The following RAB4A variants were observed in gnomAD, a reference collection of about 807,000 sequenced individuals.
RAB4A encodes the protein ras-related protein Rab-4A.
In RAB4A, 20 loss-of-function variants were observed where a neutral mutation model predicts 34.5. The ratio of observed to expected loss-of-function variants is 0.58; its 90% CI spans 0.41 to 0.84. The LOEUF (loss-of-function observed/expected upper bound fraction) is 0.84, where lower values mean the gene tolerates loss of function less well. Among genes scored for constraint, RAB4A ranks in the 40% least tolerant of loss-of-function variants. The probability of loss-of-function intolerance (pLI) is 0.00; values close to 1 mark genes in which losing one functional copy is unlikely to be tolerated. For synonymous variants in RAB4A, 102 were observed against 100.0 expected (o/e 1.02, Z -0.12); for missense variants, 228 against 274.5 (o/e 0.83, Z 1.20).
intron 3 of RAB4A, among the ~76,000 whole-genome samples, chr1:229,295,240 A>G (rs1224256726): frequency 6.6e-6 from 1 of 152,106 alleles, no homozygotes; most frequent in Non-Finnish European, 1.5e-5. Context: ...GTGTCCGGCC[A>G]CTAATGGGAA....
At chr1:229,274,014 A>G (rs1051421452) in intron 1 of RAB4A, among the ~76,000 whole-genome samples, 1 of 149,516 alleles carries the variant, frequency 6.7e-6, no homozygotes, top group Non-Finnish European at 1.5e-5. Flanking sequence ...CTTGACAGAG[A>G]GATGAGGAAT....
Position 229,302,949 on chromosome 1 carries a change from C to T in RAB4A, c.629C>T (p.Ala210Val), listed in dbSNP as rs747437276. 20 of 1,613,736 alleles carry T rather than the reference C, an allele frequency of 1.2e-5. No homozygotes were observed. The East Asian group carries it at 4.0e-4, about 32-fold the overall frequency. Residue 210 changes from alanine to valine, a missense_variant, in exon 7 of 8, where the codon GCC becomes GTC. Physicochemically the swap from Ala to Val is moderately conservative, Grantham distance 64. Transcript: ENST00000366690. ...RQLRSPRRAQ[A>V]PNAQECGC Reference sequence around the variant, plus strand: ...CTGAGGTCACCGCGGCGCGCACAGGCCCCGAACGCTCAGGAGTGTGGTTGT... The same window carrying T: ...CTGAGGTCACCGCGGCGCGCACAGGTCCCGAACGCTCAGGAGTGTGGTTGT...
At chr1:229,293,517 G>A (rs1657149571) in intron 3 of RAB4A, among the ~76,000 whole-genome samples, 2 of 152,210 alleles carry the variant, frequency 1.3e-5, no homozygotes, top group Admixed American at 6.5e-5. Context: ...CCAGGAACCT[G>A]GGACGAAGAC....
chr1:229,301,659 GA>G (rs1160250808), intron 6 of RAB4A, among the ~76,000 whole-genome samples: 1 of 151,760 alleles, frequency 6.6e-6, no homozygotes, highest in Non-Finnish European at 1.5e-5. Flanking sequence ...ACCTCTAGGT[GA>G]AAAAAATATA....
intron 1 of RAB4A, among the ~76,000 whole-genome samples, chr1:229,277,109 A>G (rs1192663045): frequency 6.7e-6 from 1 of 149,170 alleles, no homozygotes; most frequent in African/African-American, 2.5e-5. Flanking sequence ...ATATCAGTGG[A>G]AAGTAACAAA....
intron 1 of RAB4A, among the ~76,000 whole-genome samples, chr1:229,281,026 CT>C: frequency 6.6e-6 from 1 of 152,196 alleles, no homozygotes; most frequent in African/African-American, 2.4e-5. Flanking sequence ...AACAATTTAC[CT>C]GTTAAAGAAC....
intron 1 of RAB4A, among the ~76,000 whole-genome samples, chr1:229,280,470 T>C (rs182737989): frequency 6.6e-6 from 1 of 152,380 alleles, no homozygotes. Context: ...TGTGGTATTG[T>C]TTCCTTCTTG....
Position 229,271,357 on chromosome 1 carries a change from G to T in RAB4A, c.18G>T (p.Met6Ile). MSQTA[M>I]SETYDFLFKF... Reference sequence around the variant, plus strand: ...CTCCCAAGATGTCGCAGACGGCCATGTCCGAAACCTACGGTACGAGGCCCG... The same window carrying T: ...CTCCCAAGATGTCGCAGACGGCCATTTCCGAAACCTACGGTACGAGGCCCG... Residue 6 changes from methionine (M) to isoleucine (I), a missense_variant, in exon 1 of 8, where the codon ATG (methionine) becomes ATT (isoleucine). Transcript: ENST00000366690. The T allele has an allele frequency of 7.8e-7, 1 of 1,282,212 alleles. No individual in the cohort carries two copies. The highest frequency in any genetic ancestry group is 2.5e-5 in the South Asian group (1 of 40,332). 79.4% of individuals were successfully genotyped at this position (1,282,212 alleles called of 1,614,324 possible).
chr1:229,293,733 C>G (rs1447875653), intron 3 of RAB4A, among the ~76,000 whole-genome samples: 1 of 152,024 alleles, frequency 6.6e-6, no homozygotes. Flanking sequence ...ACCCAGGAGA[C>G]AGCACGCTGA....
At chr1:229,287,169 A>G (rs1213400192) in intron 2 of RAB4A, among the ~76,000 whole-genome samples, 1 of 152,212 alleles carries the variant, frequency 6.6e-6, no homozygotes, top group African/African-American at 2.4e-5. Flanking sequence ...AGACCTGTCT[A>G]GTTAGTGGCA....
intron 1 of RAB4A, among the ~76,000 whole-genome samples, chr1:229,278,723 T>C (rs138171642): frequency 4.8e-4 from 73 of 152,318 alleles, no homozygotes; most frequent in Non-Finnish European, 8.7e-4. Flanking sequence ...ACCACCTCTG[T>C]CTCTCCTTTC....
intron 1 of RAB4A, among the ~76,000 whole-genome samples, chr1:229,279,167 T>C (rs1438225907): frequency 6.6e-6 from 1 of 152,232 alleles, no homozygotes; most frequent in Non-Finnish European, 1.5e-5. Context: ...CACTTAGCCT[T>C]TTCTGCCAGG....
At chr1:229,294,753 C>T (rs1315503258) in intron 3 of RAB4A, among the ~76,000 whole-genome samples, 1 of 152,146 alleles carries the variant, frequency 6.6e-6, no homozygotes, top group African/African-American at 2.4e-5. Context: ...TTGCTTGAAC[C>T]TGGGAGGCAG....
intron 3 of RAB4A, among the ~76,000 whole-genome samples, chr1:229,291,642 A>G (rs964765545): frequency 2.0e-5 from 3 of 152,198 alleles, no homozygotes; most frequent in African/African-American, 4.8e-5. Flanking sequence ...AGTGTCTAGC[A>G]CACAGGGGCG....
intron 6 of RAB4A, among the ~76,000 whole-genome samples, chr1:229,302,280 TATATATATATATATATATATATATATA>T: frequency 5.0e-5 from 1 of 19,822 alleles, no homozygotes; most frequent in African/African-American, 2.2e-4. Context: ...TATATATATA[TATATATATATATATATATATATATATA>T]TATTTTTTTT....
At chr1:229,289,996 A>G (rs966124587) in intron 3 of RAB4A, among the ~76,000 whole-genome samples, 5 of 152,172 alleles carry the variant, frequency 3.3e-5, no homozygotes, top group East Asian at 1.9e-4. Context: ...AAGTAACTCA[A>G]AAAGGCCAAG....
chr1:229,294,955 T>C lies in RAB4A; in HGVS notation c.228-893T>C, dbSNP rs565838710. Among the ~76,000 whole-genome samples the C allele has an allele frequency of 6.6e-5, 10 of 150,830 alleles. No homozygotes were observed. In the South Asian group the frequency reaches 2.1e-3, roughly 32 times the overall value. ...AGCCAATTTATTTTTATTTTGCTAA[T>C]AGGAAAAATCCTGAACTCCTGGCTT... On this transcript the variant is annotated intron_variant, in intron 3 of 7. Coordinates refer to ENST00000366690, the MANE Select transcript of RAB4A (RefSeq NM_004578.4).
chr1:229,281,806 C>T (rs1656783901), intron 1 of RAB4A, among the ~76,000 whole-genome samples: 1 of 103,382 alleles, frequency 9.7e-6, no homozygotes, highest in Non-Finnish European at 1.9e-5. Flanking sequence ...ATATACATAA[C>T]TTATCATAGT....
intron 1 of RAB4A, 56 bp downstream of exon 1, chr1:229,271,426 C>A (rs1394269621): frequency 1.7e-6 from 2 of 1,185,174 alleles, no homozygotes; most frequent in Non-Finnish European, 2.1e-6. Flanking sequence ...GCGTCGGTGG[C>A]GCGGGGCCGG....
Sources: allele counts gnomAD v4.1 joint callset (sites outside exome capture counted in the v4.1 genomes callset), GRCh38; gene constraint gnomAD v4.1.1; transcripts MANE v1.5; gene names NCBI Gene and HGNC (gene_info 2026-07-23, HGNC 2026-07-21).